The following MTPN variants were observed in gnomAD, a reference collection of about 807,000 sequenced individuals.
MTPN encodes the protein granule cell differentiation protein.
Under a neutral mutation model 13.5 loss-of-function variants are expected in MTPN, and 2 were observed. That is an observed-to-expected ratio of 0.15 (90% CI 0.06 to 0.47). The LOEUF (loss-of-function observed/expected upper bound fraction) is 0.47. Among genes scored for constraint, MTPN ranks in the 20% least tolerant of loss-of-function variants. The pLI, the probability that MTPN is intolerant of heterozygous loss-of-function variation, is 0.97. For synonymous variants in MTPN, 46 were observed against 51.7 expected (o/e 0.89, Z 0.48); for missense variants, 79 against 137.9 (o/e 0.57, Z 2.14).
intron 3 of MTPN, among the ~76,000 whole-genome samples, chr7:135,933,117 A>T (rs190355346): frequency 6.6e-6 from 1 of 151,092 alleles, no homozygotes; most frequent in African/African-American, 2.4e-5. Flanking sequence ...AAAAAAAAAA[A>T]AAAAAGATGA....
intron 3 of MTPN, among the ~76,000 whole-genome samples, chr7:135,938,190 G>A (rs930658053): frequency 6.6e-6 from 1 of 152,110 alleles, no homozygotes; most frequent in Non-Finnish European, 1.5e-5. Context: ...TTGAATCCAT[G>A]GATGCAAAAC....
chr7:135,942,152 G>C (rs2116359669), intron 3 of MTPN, among the ~76,000 whole-genome samples: 1 of 152,196 alleles, frequency 6.6e-6, no homozygotes, highest in African/African-American at 2.4e-5. Flanking sequence ...GCCTCCCAAA[G>C]TGCTGGGATT....
chr7:135,932,608 ACTT>A (rs1202405009), intron 3 of MTPN: 1 of 152,044 alleles, frequency 6.6e-6, no homozygotes, highest in Non-Finnish European at 1.5e-5. Flanking sequence ...ATACATATAT[ACTT>A]CTTTAAAAAT....
Position 135,955,841 on chromosome 7 carries a change from TA to T in MTPN, c.73-4212del, listed in dbSNP as rs34554274. ...TATGATTGACCATCTCAATGGATTATAAAAAAAAAAAAACCCAATATGCATT... is the reference window on the plus strand; with the variant it reads ...TATGATTGACCATCTCAATGGATTATAAAAAAAAAAAACCCAATATGCATT... On this transcript the variant is annotated intron_variant, in intron 1 of 3. Coordinates refer to ENST00000393085, the MANE Select transcript of MTPN (RefSeq NM_145808.4). 7.3e-3 allele frequency among the ~76,000 whole-genome samples: 1,068 copies of T among 145,556 alleles called. 13 individuals are homozygous for T. The highest frequency in any genetic ancestry group is 0.021 in the African/African-American group (846 of 39,568).
intron 1 of MTPN, among the ~76,000 whole-genome samples, chr7:135,952,447 A>G (rs1799376124): frequency 6.6e-6 from 1 of 152,186 alleles, no homozygotes; most frequent in Non-Finnish European, 1.5e-5. Flanking sequence ...TGATACACCC[A>G]TTATTTCTAA....
At chr7:135,950,873 C>T (rs1216062719) in intron 2 of MTPN, among the ~76,000 whole-genome samples, 191 bp from the exon 3 acceptor site, 1 of 152,150 alleles carries the variant, frequency 6.6e-6, no homozygotes, top group African/African-American at 2.4e-5. Context: ...AATGTCTTTC[C>T]TTAGGAGTCA....
intron 1 of MTPN, among the ~76,000 whole-genome samples, chr7:135,956,447 T>C (rs576165934): frequency 2.0e-5 from 3 of 152,342 alleles, no homozygotes; most frequent in South Asian, 4.1e-4. Flanking sequence ...AATGTTACCA[T>C]GTTTTCCTTT....
rs1336683678 is a variant in MTPN at position 135,970,715 on chromosome 7, GA to G, written c.72+6313del. On this transcript the variant is annotated intron_variant, in intron 1 of 3. Transcript: ENST00000393085. Reference sequence around the variant, plus strand: ...TTATATAGCCTATGTACATCTGAATGAACATTTATGTTCCAATGTAAAAAAA... The same window carrying G: ...TTATATAGCCTATGTACATCTGAATGACATTTATGTTCCAATGTAAAAAAA... Among the ~76,000 whole-genome samples, 3 of 152,048 alleles carry G rather than the reference GA, an allele frequency of 2.0e-5. No individual in the cohort carries two copies. The East Asian group carries it at 5.8e-4, about 29-fold the overall frequency.
Position 135,927,466 on chromosome 7 carries a change from AT to A in MTPN, c.*2459del. The stretch of plus-strand genomic sequence containing the variant: ...CTGATTTAATACAAAACTACAGAAC[AT>A]GCAAAATTTTTTCTGAGATGTTAAG... On this transcript the variant is annotated 3_prime_UTR_variant, in exon 4 of 4. Transcript: ENST00000393085. 6.6e-7 allele frequency: 1 copy of A among 1,514,410 alleles called. No individual in the cohort carries two copies. The allele number at this position is 1,514,410 out of a possible 1,614,324, so 93.8% of individuals were successfully genotyped here.
rs116648775 is a variant in MTPN, at chr7:135,928,301, C to T, written c.*1625G>A. 0.012 allele frequency: 1,945 copies of T among 165,856 alleles called. 36 individuals are homozygous for T. Among genetic ancestry groups the T allele is most frequent in the African/African-American group, 0.045 (1,830 of 40,308 alleles). The allele number at this position is 165,856 out of a possible 1,614,324, so 10.3% of individuals were successfully genotyped here. On this transcript the variant is annotated 3_prime_UTR_variant, in exon 4 of 4. Coordinates refer to ENST00000393085, the MANE Select transcript of MTPN (RefSeq NM_145808.4). ...GGACTCATGGGGAAAAATACACACA[C>T]ACACCCACACACACCTATACACCCA...
At chr7:135,931,390 A>G (rs1328076313) in intron 3 of MTPN, among the ~76,000 whole-genome samples, 2 of 152,140 alleles carry the variant, frequency 1.3e-5, no homozygotes, top group Non-Finnish European at 2.9e-5. Flanking sequence ...GCCTGAGCTG[A>G]GTCTTGACAA....
At chr7:135,936,012 G>A (rs990539895) in intron 3 of MTPN, among the ~76,000 whole-genome samples, 6 of 151,910 alleles carry the variant, frequency 3.9e-5, no homozygotes, top group East Asian at 1.9e-4. Flanking sequence ...TTCTTCCTTC[G>A]GGTCTTTACA....
In MTPN at chr7:135,933,633, G is replaced by A. The variant is rs374048531; in HGVS notation, c.271-3621C>T. ...GGCACCTAGCAGACTAATATGACTAGTCATTTTCTCTCTGTTGTTCCAATA... is the reference window on the plus strand; with the variant it reads ...GGCACCTAGCAGACTAATATGACTAATCATTTTCTCTCTGTTGTTCCAATA... On this transcript the variant is annotated intron_variant, in intron 3 of 3. Coordinates refer to ENST00000393085, the MANE Select transcript of MTPN (RefSeq NM_145808.4). 8.5e-5 allele frequency among the ~76,000 whole-genome samples: 13 copies of A among 152,146 alleles called. No homozygotes were observed. In the South Asian group the frequency reaches 1.9e-3, roughly 22 times the overall value.
chr7:135,933,887 C>T (rs1162857965), intron 3 of MTPN, among the ~76,000 whole-genome samples: 2 of 152,092 alleles, frequency 1.3e-5, no homozygotes, highest in Admixed American at 1.3e-4. Context: ...CCCCCTTGTG[C>T]TGTCTTGTGA....
At chr7:135,962,783 T>C (rs1799545431) in intron 1 of MTPN, among the ~76,000 whole-genome samples, 1 of 152,066 alleles carries the variant, frequency 6.6e-6, no homozygotes, top group South Asian at 2.1e-4. Context: ...TTACATAGCA[T>C]TAGGTTTATT....
At chr7:135,963,659 G>A (rs74555732) in intron 1 of MTPN, among the ~76,000 whole-genome samples, 3,364 of 151,986 alleles carry the variant, frequency 0.022, 58 homozygotes, top group Non-Finnish European at 0.032. Flanking sequence ...TCTTGCTGAC[G>A]TCATCCTCCC....
At chr7:135,950,717 T>G in intron 2 of MTPN, 35 bp from the exon 3 acceptor site, 1 of 1,484,928 alleles carries the variant, frequency 6.7e-7, no homozygotes, top group Non-Finnish European at 9.3e-7. Flanking sequence ...CTTTATCTGT[T>G]TTTCATTTCT....
intron 1 of MTPN, among the ~76,000 whole-genome samples, chr7:135,953,675 C>A (rs975052551): frequency 3.9e-5 from 6 of 152,148 alleles, no homozygotes; most frequent in Admixed American, 1.3e-4. Flanking sequence ...TCTACCATAG[C>A]AACCAATGGT....
At chr7:135,966,930 C>T (rs1799616138) in intron 1 of MTPN, among the ~76,000 whole-genome samples, 1 of 152,106 alleles carries the variant, frequency 6.6e-6, no homozygotes, top group Non-Finnish European at 1.5e-5. Flanking sequence ...AAATGCCCCA[C>T]TATAAGCACT....
Sources: gnomAD v4.1 joint callset for allele counts (sites outside exome capture counted in the v4.1 genomes callset) on GRCh38, gnomAD v4.1.1 for gene constraint, MANE v1.5 for transcripts, NCBI Gene and HGNC (gene_info 2026-07-23, HGNC 2026-07-21) for gene names.